Variants in ERCC6 observed in about 807,000 individuals in gnomAD.
The protein encoded by ERCC6 is DNA excision repair protein ERCC-6.
In ERCC6, 116 loss-of-function variants were observed where a neutral mutation model predicts 158.7. The ratio of observed to expected loss-of-function variants is 0.73; its 90% CI spans 0.63 to 0.85. ERCC6 has a LOEUF of 0.85. ERCC6 is among the 40% of genes least tolerant of loss of function. ERCC6 has a pLI of 0.00. For missense variants in ERCC6, 1,698 were observed against 1,799.4 expected (o/e 0.94, Z 1.02); for synonymous variants, 678 against 659.3 (o/e 1.03, Z -0.43).
chr10:49,447,701 CA>C, the ERCC6 span, among the ~76,000 whole-genome samples: 94,199 of 144,472 alleles, frequency 0.65, 30,620 homozygotes, highest in East Asian at 0.94. Flanking sequence ...AAGACTGTCT[CA>C]AAAAAAAAAA....
At chr10:49,477,661 T>A (rs1333264793) in intron 11 of ERCC6, among the ~76,000 whole-genome samples, 1 of 151,922 alleles carries the variant, frequency 6.6e-6, no homozygotes, top group Admixed American at 6.6e-5. Context: ...CCCAGCTAGC[T>A]CCTCCTCTTC....
At chr10:49,515,098 T>C in intron 5 of ERCC6, 6 of 941,244 alleles carry the variant, frequency 6.4e-6, no homozygotes, top group Non-Finnish European at 8.4e-6. Context: ...ATGTGCTCTC[T>C]AAGAAAACAT....
intron 18 of ERCC6, among the ~76,000 whole-genome samples, chr10:49,462,836 C>A (rs1005371699): frequency 1.3e-5 from 2 of 152,220 alleles, no homozygotes; most frequent in Non-Finnish European, 2.9e-5. Context: ...TGACAAGCCT[C>A]TGGGCAACAA....
chr10:49,532,888 T>C lies in ERCC6; in HGVS notation c.77A>G (p.Asn26Ser). The change falls in exon 2 of 21, where the codon AAT becomes AGT. Residue 26 changes from asparagine to serine, a missense_variant. Asn to Ser is a conservative substitution (Grantham distance 46). Coordinates refer to ENST00000355832, the MANE Select transcript of ERCC6 (RefSeq NM_000124.4). ...DCLQSQPVSN[N>S]EEMAIKQESG... ...TTCTTGCTTGATTGCCATTTCTTCA[T>C]TATTACTGACAGGTTGACTCTGTAA... 4 of 1,614,258 alleles carry C rather than the reference T, an allele frequency of 2.5e-6. No homozygotes were observed. Among genetic ancestry groups the C allele is most frequent in the Non-Finnish European group, 3.4e-6 (4 of 1,180,050 alleles).
the ERCC6 span, among the ~76,000 whole-genome samples, chr10:49,442,053 C>A: frequency 6.6e-6 from 1 of 152,174 alleles, no homozygotes. Flanking sequence ...CCAAACAAGA[C>A]CCGCGCCCCC....
At chr10:49,444,618 T>A in the ERCC6 span, among the ~76,000 whole-genome samples, 1 of 152,184 alleles carries the variant, frequency 6.6e-6, no homozygotes, top group Non-Finnish European at 1.5e-5. Context: ...AATATCAGAA[T>A]GGACACTATT....
intron 10 of ERCC6, among the ~76,000 whole-genome samples, chr10:49,480,430 C>G (rs550655445): frequency 9.8e-5 from 15 of 152,318 alleles, no homozygotes; most frequent in Admixed American, 8.5e-4. Flanking sequence ...GGCACACAGA[C>G]TATCTTCTTA....
chr10:49,447,441 A>G, the ERCC6 span, among the ~76,000 whole-genome samples: 1 of 152,168 alleles, frequency 6.6e-6, no homozygotes, highest in Non-Finnish European at 1.5e-5. Context: ...TAATCCCAGC[A>G]CTTTGGGAGG....
rs1213371362 is a variant in ERCC6, at chr10:49,493,200, G to T, written c.1738C>A (p.Gln580Lys). 1.9e-6 allele frequency: 3 copies of T among 1,613,950 alleles called. No homozygotes were observed. Among genetic ancestry groups the T allele is most frequent in the Non-Finnish European group, 2.5e-6 (3 of 1,179,994 alleles). The change falls in exon 8 of 21, where the codon CAG (glutamine) becomes AAG (lysine). Residue 580 changes from glutamine to lysine, a missense_variant. Physicochemically the swap from Gln to Lys is moderately conservative, Grantham distance 53 (BLOSUM62 1). Transcript: ENST00000355832. The stretch of plus-strand genomic sequence containing the variant: ...CACGTGTGAAATTCCTTCACCCACT[G>T]ATGCATCACTGTTGTTGGACAGACA... ...VIVCPTTVMH[Q>K]WVKEFHTWWP...
chr10:49,510,533 C>T (rs1416839519), intron 5 of ERCC6, among the ~76,000 whole-genome samples: 6 of 152,172 alleles, frequency 3.9e-5, no homozygotes, highest in Non-Finnish European at 7.4e-5. Context: ...CCCTCCCAAT[C>T]CCGTGACATC....
chr10:49,517,201 C>A, intron 5 of ERCC6: 1 of 1,498,830 alleles, frequency 6.7e-7, no homozygotes, highest in South Asian at 1.4e-5. Context: ...TGAAAAATGT[C>A]AAACCCATAA....
Position 49,493,192 on chromosome 10 carries a change from C to T in ERCC6, c.1746G>A (p.Val582=), listed in dbSNP as rs1851207123. The T allele has an allele frequency of 6.2e-7, 1 of 1,614,140 alleles. No individual in the cohort carries two copies. The highest frequency in any genetic ancestry group is 8.5e-7 in the Non-Finnish European group (1 of 1,179,998). Residue 582 remains valine (V), a synonymous_variant, in exon 8 of 21, where the codon GTG becomes GTA. Coordinates refer to ENST00000355832, the MANE Select transcript of ERCC6 (RefSeq NM_000124.4). ...VCPTTVMHQW[V]KEFHTWWPPF... Reference sequence around the variant, plus strand: ...GAGGCCACCACGTGTGAAATTCCTTCACCCACTGATGCATCACTGTTGTTG... The same window carrying T: ...GAGGCCACCACGTGTGAAATTCCTTTACCCACTGATGCATCACTGTTGTTG...
At position 49,526,111 on chromosome 10, in the gene ERCC6, ATATTTT is replaced by A. The variant is rs56800969; in HGVS notation, c.653-1340_653-1335del. Among the ~76,000 whole-genome samples, 110 of 74,396 alleles carry A rather than the reference ATATTTT, an allele frequency of 1.5e-3. 2 individuals carry two copies. Among genetic ancestry groups the A allele is most frequent in the Non-Finnish European group, 1.5e-3 (60 of 40,248 alleles). The allele number at this position is 74,396 out of a possible 152,430, so 48.8% of individuals were successfully genotyped here. Reference sequence around the variant, plus strand: ...TATATTTATATATTTATATATTTATATATTTTTATATATATATATATATATATATAT... The same window carrying A: ...TATATTTATATATTTATATATTTATATATATATATATATATATATATATAT... On this transcript the variant is annotated intron_variant, in intron 4 of 20. Coordinates refer to ENST00000355832, the MANE Select transcript of ERCC6 (RefSeq NM_000124.4).
In ERCC6 at chr10:49,459,143, G is replaced by A. The variant is rs762286899; in HGVS notation, c.4154C>T (p.Ala1385Val). Residue 1385 changes from alanine to valine, a missense_variant, in exon 21 of 21, where the codon GCT becomes GTT. Physicochemically the swap from Ala to Val is moderately conservative, Grantham distance 64. Coordinates refer to ENST00000355832, the MANE Select transcript of ERCC6 (RefSeq NM_000124.4). The stretch of plus-strand genomic sequence containing the variant: ...CATTTTAGCCAAGAGTGAGGAGGAA[G>A]CGAGGGGCCCGGATGAAGAGTCTGC... ...EDADSSSGPL[A>V]SSSLLAKMRA... The A allele has an allele frequency of 3.7e-6, 6 of 1,614,212 alleles. No homozygotes were observed. Among genetic ancestry groups the A allele is most frequent in the Non-Finnish European group, 4.2e-6 (5 of 1,180,046 alleles).
chr10:49,532,927 T>C lies in ERCC6; in HGVS notation c.38A>G (p.Gln13Arg). 1 of 1,614,242 alleles carries C rather than the reference T, an allele frequency of 6.2e-7. No individual in the cohort carries two copies. The highest frequency in any genetic ancestry group is 1.1e-5 in the South Asian group (1 of 91,080). Residue 13 changes from glutamine to arginine, a missense_variant, in exon 2 of 21, where the codon CAG becomes CGG. Coordinates refer to ENST00000355832, the MANE Select transcript of ERCC6 (RefSeq NM_000124.4). Reference sequence around the variant, plus strand: ...TTGACTCTGTAAACAGTCTTGCTCCTGAGTTTGACTTGAGTGGGGGATTCC... The same window carrying C: ...TTGACTCTGTAAACAGTCTTGCTCCCGAGTTTGACTTGAGTGGGGGATTCC... ...NEGIPHSSQT[Q>R]EQDCLQSQPV...
chr10:49,537,564 G>A (rs1433090516), intron 1 of ERCC6, among the ~76,000 whole-genome samples: 1 of 151,654 alleles, frequency 6.6e-6, no homozygotes, highest in African/African-American at 2.4e-5. Context: ...GCTGTTAAGA[G>A]GAAAGTACAA....
rs1564730552 is a variant in ERCC6, at chr10:49,472,960, T to G, written c.2778A>C (p.Ala926=). The change falls in exon 15 of 21, where the codon GCA becomes GCC. Residue 926 remains alanine (A), a synonymous_variant. Coordinates refer to ENST00000355832, the MANE Select transcript of ERCC6 (RefSeq NM_000124.4). ...CTGGGTCATAGATGACAACTCTGTT[T>G]GCCCCCGTCAGGTTGACACCTAAGC... ...VGGLGVNLTG[A]NRVVIYDPDW... The G allele has an allele frequency of 6.2e-7, 1 of 1,614,152 alleles. No individual in the cohort carries two copies. The highest frequency in any genetic ancestry group is 1.7e-5 in the Admixed American group (1 of 60,036).
intron 6 of ERCC6, chr10:49,502,800 C>T (rs1851377194): frequency 6.6e-6 from 1 of 152,180 alleles, no homozygotes; most frequent in South Asian, 2.1e-4. Context: ...TCTGATACTG[C>T]ACAGGACAGT....
intron 5 of ERCC6, among the ~76,000 whole-genome samples, chr10:49,511,212 C>T (rs1207554567): frequency 1.3e-5 from 2 of 152,152 alleles, no homozygotes; most frequent in South Asian, 2.1e-4. Context: ...CCCAAGCTTC[C>T]CCAGGACCAG....
Sources: allele counts gnomAD v4.1 joint callset (sites outside exome capture counted in the v4.1 genomes callset), GRCh38; gene constraint gnomAD v4.1.1; transcripts MANE v1.5; gene names NCBI Gene and HGNC (gene_info 2026-07-23, HGNC 2026-07-21).